MED23: variants seen among roughly 807,000 people sequenced by gnomAD.
MED23 encodes the protein mediator complex subunit 23, also known as mediator of RNA polymerase II transcription subunit 23.
A neutral mutation model predicts 163.9 loss-of-function variants in MED23; 105 were observed. That is an observed-to-expected ratio of 0.64 (90% CI 0.55 to 0.75). The LOEUF (loss-of-function observed/expected upper bound fraction) is 0.75. MED23 is among the 30% of genes least tolerant of loss of function. MED23 has a pLI of 0.00. For missense variants in MED23, 1,054 were observed against 1,649.0 expected (o/e 0.64, Z 6.25); for synonymous variants, 561 against 565.6 (o/e 0.99, Z 0.12).
chr6:131,590,950 A>G (rs998443455), intron 26 of MED23, among the ~76,000 whole-genome samples: 8 of 148,122 alleles, frequency 5.4e-5, no homozygotes, highest in Admixed American at 1.4e-4. Flanking sequence ...TATATACCTC[A>G]TCTGTTAATG....
In MED23 at chr6:131,610,063, G is replaced by C; in HGVS notation, c.1060C>G (p.Leu354Val). The stretch of plus-strand genomic sequence containing the variant: ...GTACATACCTTCTGATGAAGAGAAA[G>C]CACCATATGTGGAAAACTTGCAAAC... Reference protein sequence around the residue: ...FQFASFPHMVLSLHQKLAGRG... With the variant: ...FQFASFPHMVVSLHQKLAGRG... The change falls in exon 11 of 29, where the codon CTT (leucine) becomes GTT (valine). Residue 354 changes from leucine (L) to valine (V), a missense_variant. This residue lies in a region of MED23 where 61 missense variants were observed against 154.2 expected (regional missense o/e 0.40). Coordinates refer to ENST00000368068, the MANE Select transcript of MED23 (RefSeq NM_004830.4). 6.2e-7 allele frequency: 1 copy of C among 1,613,810 alleles called. No homozygotes were observed. The highest frequency in any genetic ancestry group is 8.5e-7 in the Non-Finnish European group (1 of 1,179,786).
At chr6:131,588,967 C>A (rs1365646859) in intron 28 of MED23, among the ~76,000 whole-genome samples, 6 of 152,050 alleles carry the variant, frequency 3.9e-5, no homozygotes, top group Non-Finnish European at 7.4e-5. Flanking sequence ...TTCCCTAGGA[C>A]TTTTTTCTTC....
intron 4 of MED23, among the ~76,000 whole-genome samples, chr6:131,624,383 C>T (rs912237893): frequency 1.3e-5 from 2 of 152,288 alleles, no homozygotes; most frequent in African/African-American, 4.8e-5. Context: ...GAGGTTCTGG[C>T]TAATAATCCC....
At chr6:131,579,284 A>C in intron 30 of MED23, 6 of 1,613,970 alleles carry the variant, frequency 3.7e-6, no homozygotes, top group Non-Finnish European at 5.1e-6. Flanking sequence ...CGGAGACCAC[A>C]GGTCTTGTTG....
rs970785668 is a variant in MED23 at position 131,620,769 on chromosome 6, C to T, written c.496-40G>A. 5 of 1,192,810 alleles carry T rather than the reference C, an allele frequency of 4.2e-6. No homozygotes were observed. In the African/African-American group the frequency reaches 7.6e-5, roughly 18 times the overall value. The allele number at this position is 1,192,810 out of a possible 1,614,324, so 73.9% of individuals were successfully genotyped here. ...AAGGCCACATCATTCTTGACTAGTCCCACATATAAGCCCTTTATTTTATTT... is the reference window on the plus strand; with the variant it reads ...AAGGCCACATCATTCTTGACTAGTCTCACATATAAGCCCTTTATTTTATTT... On this transcript the variant is annotated intron_variant, in intron 6 of 28. Transcript: ENST00000368068.
chr6:131,582,536 G>A (rs911464078), downstream of MED23: 11 of 980,798 alleles, frequency 1.1e-5, no homozygotes, highest in Admixed American at 5.2e-5. Context: ...TAAGATATAC[G>A]CAATCCAATA....
chr6:131,600,015 T>C, intron 18 of MED23, 23 bp downstream of exon 18: 1 of 1,613,434 alleles, frequency 6.2e-7, no homozygotes, highest in Non-Finnish European at 8.5e-7. Context: ...GTGCATTCAA[T>C]AAGTAATTCA....
Position 131,598,886 on chromosome 6 carries a change from A to C in MED23, c.2221-125T>G. The C allele has an allele frequency of 4.9e-6, 4 of 822,516 alleles. No homozygotes were observed. The highest frequency in any genetic ancestry group is 1.5e-5 in the South Asian group (1 of 67,656). The allele number at this position is 822,516 out of a possible 1,614,324, so 51.0% of individuals were successfully genotyped here. A position where few individuals can be genotyped will look rare whatever the true frequency, so the allele number is the denominator to read the frequency against. The stretch of plus-strand genomic sequence containing the variant: ...AACTCTAGGTCACCTTGAGCAACTC[A>C]GCAATTAAGGCCTGAATTTCTGTGT... On this transcript the variant is annotated intron_variant, in intron 18 of 28. Coordinates refer to ENST00000368068, the MANE Select transcript of MED23 (RefSeq NM_004830.4). The surrounding 1 kb of genome is among the most constrained non-coding windows in gnomAD (Gnocchi z 4.7).
At chr6:131,622,723 A>G (rs1193073716) in intron 5 of MED23, among the ~76,000 whole-genome samples, 1 of 152,212 alleles carries the variant, frequency 6.6e-6, no homozygotes, top group Non-Finnish European at 1.5e-5. Flanking sequence ...ATTTAAACTA[A>G]TAATTATCTG....
chr6:131,615,392 G>A, intron 10 of MED23: 4 of 1,563,474 alleles, frequency 2.6e-6, no homozygotes, highest in Non-Finnish European at 3.5e-6. Context: ...CAAAAATAAA[G>A]GAAGAAAAAA....
intron 12 of MED23, among the ~76,000 whole-genome samples, chr6:131,607,438 G>A (rs1423752144): frequency 2.6e-5 from 4 of 151,898 alleles, no homozygotes; most frequent in South Asian, 2.1e-4. Context: ...TCAGCTACTC[G>A]GGAGGCTGAG....
downstream of MED23, chr6:131,583,354 G>C: frequency 6.2e-7 from 1 of 1,614,138 alleles, no homozygotes; most frequent in South Asian, 1.1e-5. Flanking sequence ...CTTCTTAAAA[G>C]AAAGAAAAGG....
At chr6:131,576,628 T>C (rs747313511) in intron 30 of MED23, 6 of 1,578,204 alleles carry the variant, frequency 3.8e-6, no homozygotes, top group Non-Finnish European at 5.2e-6. Context: ...ATGGTCATGA[T>C]AATGTCTGAA....
At chr6:131,600,207 T>C (rs752701456) in intron 17 of MED23, 45 bp from the exon 18 acceptor site, 1 of 1,523,260 alleles carries the variant, frequency 6.6e-7, no homozygotes, top group Admixed American at 1.7e-5. Flanking sequence ...AATGATTATA[T>C]CCACAATTCA....
intron 10 of MED23, among the ~76,000 whole-genome samples, chr6:131,612,194 G>T (rs114769436): frequency 1.2e-4 from 18 of 151,786 alleles, no homozygotes; most frequent in African/African-American, 3.9e-4. Context: ...AAATTTCCCA[G>T]GTGTTTTTGG....
chr6:131,610,039 T>C lies in MED23; in HGVS notation c.1077+7A>G. On this transcript the variant is annotated splice_region_variant and intron_variant, in intron 11 of 28. Coordinates refer to ENST00000368068, the MANE Select transcript of MED23 (RefSeq NM_004830.4). ...AAGTCACTCCGACCATAAGATTTAG[T>C]ACATACCTTCTGATGAAGAGAAAGC... 6.2e-7 allele frequency: 1 copy of C among 1,612,198 alleles called. No homozygotes were observed. The highest frequency in any genetic ancestry group is 8.5e-7 in the Non-Finnish European group (1 of 1,178,322).
chr6:131,590,519 A>G, intron 26 of MED23, 77 bp from the exon 27 acceptor site: 1 of 936,326 alleles, frequency 1.1e-6, no homozygotes. Flanking sequence ...CAGTATATAC[A>G]AAGTATTACA....
downstream of MED23, among the ~76,000 whole-genome samples, chr6:131,581,782 A>C (rs977476070): frequency 1.3e-5 from 2 of 152,202 alleles, no homozygotes; most frequent in African/African-American, 2.4e-5. Context: ...CTTACTGAGT[A>C]GTCCTTCTAT....
intron 17 of MED23, among the ~76,000 whole-genome samples, chr6:131,600,797 T>G (rs1775416610): frequency 6.6e-6 from 1 of 152,154 alleles, no homozygotes; most frequent in Non-Finnish European, 1.5e-5. Flanking sequence ...GCAATGGTGG[T>G]AAAACTGCTG....
Sources: allele counts gnomAD v4.1 joint callset (sites outside exome capture counted in the v4.1 genomes callset), GRCh38; gene constraint gnomAD v4.1.1; regional missense constraint gnomAD v4.1.1; non-coding constraint Gnocchi (gnomAD v3.1); transcripts MANE v1.5; gene names NCBI Gene and HGNC (gene_info 2026-07-23, HGNC 2026-07-21).